Variants in NLRP3 observed in about 807,000 individuals in gnomAD.
The protein encoded by NLRP3 is NLR family pyrin domain containing 3.
NLRP3 carries 48 observed loss-of-function variants against 91.3 expected under a neutral mutation model. The ratio of observed to expected loss-of-function variants is 0.53; its 90% CI spans 0.42 to 0.67. The LOEUF (loss-of-function observed/expected upper bound fraction) is 0.67. Among genes scored for constraint, NLRP3 ranks in the 30% least tolerant of loss-of-function variants. The probability of loss-of-function intolerance (pLI) is 0.00; values close to 1 mark genes in which losing one functional copy is unlikely to be tolerated. For missense variants in NLRP3, 982 were observed against 1,276.9 expected, an observed-to-expected ratio of 0.77 and a Z score of 3.52; for synonymous variants, 561 against 507.9, an observed-to-expected ratio of 1.10 and a Z score of -1.41.
At chr1:247,441,057 C>T (rs1326719579) in intron 7 of NLRP3, among the ~76,000 whole-genome samples, 1 of 146,096 alleles carries the variant, frequency 6.8e-6, no homozygotes, top group Non-Finnish European at 1.5e-5. Context: ...AATGTTTGAT[C>T]TTCTTCTTCA....
intron 6 of NLRP3, 103 bp from the exon 7 acceptor site, chr1:247,435,867 A>G (rs1663753948): frequency 5.7e-6 from 6 of 1,053,344 alleles, no homozygotes; most frequent in Non-Finnish European, 8.9e-6. Context: ...CTCCCTTTCC[A>G]TGTGTAAACT....
rs770826716 is a variant in NLRP3 at position 247,429,773 on chromosome 1, T to C, written c.2321+18T>C. On this transcript the variant is annotated intron_variant, in intron 5 of 9. Transcript: ENST00000336119. ...AGATTGTGGTGAGTCCCCGTGCATG[T>C]GATCTGTGTGAGTGCAAGTTCATAT... 1.2e-6 allele frequency: 2 copies of C among 1,612,892 alleles called. No individual in the cohort carries two copies. Among genetic ancestry groups the C allele is most frequent in the South Asian group, 2.2e-5 (2 of 90,974 alleles).
chr1:247,440,404 A>G (rs1664126772), intron 7 of NLRP3, among the ~76,000 whole-genome samples: 1 of 151,994 alleles, frequency 6.6e-6, no homozygotes, highest in Non-Finnish European at 1.5e-5. Flanking sequence ...TCCCTCTACC[A>G]CTCATCACTA....
chr1:247,438,390 T>TG (rs1558204812), intron 7 of NLRP3, among the ~76,000 whole-genome samples: 12 of 144,396 alleles, frequency 8.3e-5, no homozygotes, highest in Admixed American at 2.1e-4. Flanking sequence ...TTTTTTTTTT[T>TG]TTTTTTTTTT....
chr1:247,444,637 C>T lies in NLRP3; in HGVS notation c.2835-14C>T, dbSNP rs949214714. On this transcript the variant is annotated splice_polypyrimidine_tract_variant and intron_variant, in intron 8 of 9. Coordinates refer to ENST00000336119, the MANE Select transcript of NLRP3 (RefSeq NM_001243133.2). ...TTAAGGGGACATTTTCTTTAAATCA[C>T]CCCCTTTTTGCAGATTAGACAACTG... 5.0e-6 allele frequency: 8 copies of T among 1,613,434 alleles called. No individual in the cohort carries two copies. Among genetic ancestry groups the T allele is most frequent in the Admixed American group, 3.3e-5 (2 of 59,972 alleles).
chr1:247,425,041 A>T lies in NLRP3; in HGVS notation c.1592A>T (p.Tyr531Phe), dbSNP rs555684384. The change falls in exon 4 of 10, where the codon TAC becomes TTC. Residue 531 changes from tyrosine to phenylalanine, a missense_variant. Physicochemically the swap from Tyr to Phe is conservative, Grantham distance 22. Coordinates refer to ENST00000336119, the MANE Select transcript of NLRP3 (RefSeq NM_001243133.2). The surrounding 1 kb of genome is among the most constrained non-coding windows in gnomAD (Gnocchi z 4.1). ...MTFQEFFAAM[Y>F]YLLEEEKEGR... ...TTCCAGGAGTTCTTTGCCGCCATGT[A>T]CTACCTGCTGGAAGAGGAAAAGGAA... is the stretch of plus-strand genomic sequence containing the variant. 3 of 1,614,190 alleles carry T rather than the reference A, an allele frequency of 1.9e-6. No individual in the cohort carries two copies. The highest frequency in any genetic ancestry group is 2.5e-6 in the Non-Finnish European group (3 of 1,180,028).
intron 2 of NLRP3, 131 bp downstream of exon 2, chr1:247,419,208 G>A: frequency 5.5e-6 from 3 of 542,614 alleles, no homozygotes; most frequent in Non-Finnish European, 7.9e-6. Context: ...AGGCTGGAGT[G>A]CAATGGTGAG....
intron 7 of NLRP3, among the ~76,000 whole-genome samples, chr1:247,442,718 T>C (rs1485088259): frequency 2.6e-5 from 4 of 152,120 alleles, no homozygotes; most frequent in Admixed American, 2.6e-4. Flanking sequence ...ATATGTAAAA[T>C]GTATGTAATA....
At chr1:247,432,281 G>A (rs1663391825) in intron 5 of NLRP3, among the ~76,000 whole-genome samples, 1 of 123,886 alleles carries the variant, frequency 8.1e-6, no homozygotes, top group African/African-American at 3.2e-5. Context: ...AGGCTCTAGT[G>A]TCTATCATTC....
chr1:247,421,609 T>C (rs952167268), intron 2 of NLRP3, among the ~76,000 whole-genome samples: 4 of 152,134 alleles, frequency 2.6e-5, no homozygotes, highest in African/African-American at 9.7e-5. Context: ...TCTGGTATTA[T>C]CCCTCCTGCA....
intron 9 of NLRP3, 37 bp downstream of exon 9, chr1:247,444,858 C>CT: frequency 3.1e-6 from 5 of 1,607,890 alleles, no homozygotes; most frequent in Non-Finnish European, 3.4e-6. Flanking sequence ...TGGTGGGACT[C>CT]TGAGTTCTCA....
intron 4 of NLRP3, among the ~76,000 whole-genome samples, chr1:247,427,252 T>C (rs1203569626): frequency 6.6e-6 from 1 of 152,068 alleles, no homozygotes; most frequent in Non-Finnish European, 1.5e-5. Flanking sequence ...TAACCACACC[T>C]CAAAGGCCCC....
chr1:247,432,464 A>G (rs1046551600), intron 5 of NLRP3, among the ~76,000 whole-genome samples: 3 of 152,172 alleles, frequency 2.0e-5, no homozygotes, highest in Admixed American at 2.0e-4. Flanking sequence ...TCCATTATGT[A>G]TATAGATCAC....
chr1:247,420,117 G>A (rs1268925167), intron 2 of NLRP3, among the ~76,000 whole-genome samples: 1 of 152,194 alleles, frequency 6.6e-6, no homozygotes, highest in African/African-American at 2.4e-5. Flanking sequence ...TCTAATGAGT[G>A]TGAGGTGGTA....
intron 1 of NLRP3, 21 bp downstream of exon 1, chr1:247,416,214 C>A (rs1431444920): frequency 6.6e-6 from 1 of 152,432 alleles, no homozygotes; most frequent in African/African-American, 2.4e-5. Context: ...CTCCGCGGGG[C>A]AGTGTGGGCG....
chr1:247,416,623 G>T (rs962820095), intron 1 of NLRP3, among the ~76,000 whole-genome samples: 1 of 126,408 alleles, frequency 7.9e-6, no homozygotes, highest in South Asian at 2.3e-4. Flanking sequence ...TGGGGCAGGA[G>T]CTGGGAGGGT....
chr1:247,426,172 G>A (rs993998841), intron 4 of NLRP3, among the ~76,000 whole-genome samples: 3 of 149,936 alleles, frequency 2.0e-5, no homozygotes, highest in Non-Finnish European at 4.5e-5. Flanking sequence ...GGTGACAGTG[G>A]AGAGAGACAC....
chr1:247,433,815 G>GT (rs1663541407), intron 5 of NLRP3, among the ~76,000 whole-genome samples: 1 of 135,174 alleles, frequency 7.4e-6, no homozygotes, highest in African/African-American at 2.8e-5. Context: ...GGTCAGGTGT[G>GT]TCCTGATGCT....
rs1323576963 is a variant in NLRP3, at chr1:247,443,991, A to ACGT, written c.2685_2687dup (p.Ser896dup). 23 of 1,614,152 alleles carry ACGT rather than the reference A, an allele frequency of 1.4e-5. No individual in the cohort carries two copies. Among genetic ancestry groups the ACGT allele is most frequent in the Admixed American group, 3.3e-5 (2 of 60,016 alleles). On this transcript the variant is annotated inframe_insertion, in exon 8 of 10. Transcript: ENST00000336119. Reference sequence around the variant, plus strand: ...CTACAGGTTGGTGAATTCTGGCCTTACGTCAGTCTGTTGTTCAGCTTTGTC... The same window carrying ACGT: ...CTACAGGTTGGTGAATTCTGGCCTTACGTCGTCAGTCTGTTGTTCAGCTTTGTC...
Sources: gnomAD v4.1 joint callset for allele counts (sites outside exome capture counted in the v4.1 genomes callset) on GRCh38, gnomAD v4.1.1 for gene constraint, Gnocchi (gnomAD v3.1) non-coding constraint, MANE v1.5 for transcripts, NCBI Gene and HGNC (gene_info 2026-07-23, HGNC 2026-07-21) for gene names.